SLC26A6: variants seen among roughly 807,000 people sequenced by gnomAD.
SLC26A6 encodes the protein solute carrier family 26 member 6, also known as anion exchange transporter.
SLC26A6 carries 67 observed loss-of-function variants against 87.1 expected under a neutral mutation model. The ratio of observed to expected loss-of-function variants is 0.77; its 90% CI spans 0.63 to 0.94. The LOEUF is 0.94. Among genes scored for constraint, SLC26A6 ranks in the 40% least tolerant of loss-of-function variants. SLC26A6 has a pLI of 0.00. For missense variants in SLC26A6, 902 were observed against 973.0 expected (o/e 0.93, Z 0.97); for synonymous variants, 414 against 405.9 (o/e 1.02, Z -0.24).
chr3:48,630,719 T>C lies in SLC26A6; in HGVS notation c.1136A>G (p.Glu379Gly), dbSNP rs751172258. 1 of 1,596,144 alleles carries C rather than the reference T, an allele frequency of 6.3e-7. No individual in the cohort carries two copies. The highest frequency in any genetic ancestry group is 1.3e-5 in the African/African-American group (1 of 74,672). ...GTTACTGAGGCCCAGGGCCACCAGCTCCTGACGGGGGACAGTACGGGTGTG... is the reference window on the plus strand; with the variant it reads ...GTTACTGAGGCCCAGGGCCACCAGCCCCTGACGGGGGACAGTACGGGTGTG... ...RHGYRVDSNQ[E>G]LVALGLSNLI... Residue 379 changes from glutamate to glycine, a missense_variant and splice_region_variant, in exon 10 of 21, where the codon GAG (glutamate) becomes GGG (glycine). Physicochemically the swap from Glu to Gly is moderately conservative, Grantham distance 98 (BLOSUM62 -2). Coordinates refer to ENST00000395550, the MANE Select transcript of SLC26A6 (RefSeq NM_022911.3).
intron 13 of SLC26A6, 68 bp from the exon 14 acceptor site, chr3:48,629,779 G>A: frequency 5.6e-6 from 9 of 1,609,514 alleles, no homozygotes; most frequent in Non-Finnish European, 6.8e-6. Flanking sequence ...GTCCGAAGGA[G>A]CCTGAAGTCC....
chr3:48,630,786 C>A, intron 9 of SLC26A6, 66 bp from the exon 10 acceptor site: 1 of 1,533,066 alleles, frequency 6.5e-7, no homozygotes. Flanking sequence ...TCCACTGTAT[C>A]TAGGCCTGTG....
At chr3:48,630,241 C>A in intron 11 of SLC26A6, 84 bp from the exon 12 acceptor site, 2 of 1,499,558 alleles carry the variant, frequency 1.3e-6, no homozygotes, top group South Asian at 1.2e-5. Flanking sequence ...CCAGACTAAG[C>A]CCAAGCACTC....
intron 11 of SLC26A6, 70 bp downstream of exon 11, chr3:48,630,368 G>C (rs1438382822): frequency 3.5e-5 from 53 of 1,497,530 alleles, no homozygotes; most frequent in Non-Finnish European, 3.6e-6. Flanking sequence ...CCCCTCGCCT[G>C]AACCTAGACT....
Position 48,630,602 on chromosome 3 carries a change from C to G in SLC26A6, c.1248+5G>C. ...CCCACACCCATGCCCACACCCAAAG[C>G]CCACCTGCGAGTTGCCCCCGGTGCT... On this transcript the variant is annotated splice_donor_5th_base_variant and intron_variant, in intron 10 of 20. Coordinates refer to ENST00000395550, the MANE Select transcript of SLC26A6 (RefSeq NM_022911.3). The G allele has an allele frequency of 6.4e-7, 1 of 1,571,806 alleles. No homozygotes were observed. Among genetic ancestry groups the G allele is most frequent in the Non-Finnish European group, 8.6e-7 (1 of 1,157,050 alleles).
In SLC26A6 at chr3:48,631,677, G is replaced by C; in HGVS notation, c.875C>G (p.Pro292Arg). The change falls in exon 7 of 21, where the codon CCC (proline) becomes CGC (arginine). Residue 292 changes from proline to arginine, a missense_variant. Pro to Arg is a moderately radical substitution (Grantham distance 103). Around this residue, in one of 3 missense-constraint regions of SLC26A6, gnomAD observed 800 missense variants for 856.8 expected, o/e 0.93. Coordinates refer to ENST00000395550, the MANE Select transcript of SLC26A6 (RefSeq NM_022911.3). ...GAGCAGCTCCCCGGGTATCGGCATGGGCAGCTGCTGCTGCAGCTTGTCATT... is the reference window on the plus strand; with the variant it reads ...GAGCAGCTCCCCGGGTATCGGCATGCGCAGCTGCTGCTGCAGCTTGTCATT... ...LLNDKLQQQL[P>R]MPIPGELLTL... The C allele has an allele frequency of 6.2e-7, 1 of 1,613,310 alleles. No individual in the cohort carries two copies. The highest frequency in any genetic ancestry group is 1.6e-4 in the Middle Eastern group (1 of 6,062).
chr3:48,632,761 T>G, intron 4 of SLC26A6: 1 of 677,984 alleles, frequency 1.5e-6, no homozygotes, highest in Non-Finnish European at 2.6e-6. Flanking sequence ...CACTCTCATC[T>G]TCCTGGAGCC....
chr3:48,628,165 C>T lies in SLC26A6; in HGVS notation c.1801-127G>A. 1 of 899,624 alleles carries T rather than the reference C, an allele frequency of 1.1e-6. No individual in the cohort carries two copies. The highest frequency in any genetic ancestry group is 1.7e-6 in the Non-Finnish European group (1 of 593,094). 55.7% of individuals were successfully genotyped at this position (899,624 alleles called of 1,614,324 possible). ...GGGCCAGGACCAGAAGCTGTGGGAC[C>T]TGCAGCAGCCAGGCTGAAGCTCCTG... On this transcript the variant is annotated intron_variant, in intron 16 of 20. Coordinates refer to ENST00000395550, the MANE Select transcript of SLC26A6 (RefSeq NM_022911.3). This position sits in a 1 kb window ranked among gnomAD's most constrained non-coding sequence, Gnocchi z 4.4.
At chr3:48,626,836 T>C (rs140956278) in intron 18 of SLC26A6, 40 bp downstream of exon 18, 1 of 1,606,504 alleles carries the variant, frequency 6.2e-7, no homozygotes, top group South Asian at 1.1e-5. Flanking sequence ...ACAGGGTCAG[T>C]GTGGAAGCTC....
Position 48,626,367 on chromosome 3 carries a change from A to C in SLC26A6, c.2129-13T>G, listed in dbSNP as rs1489178866. The C allele has an allele frequency of 3.7e-6, 6 of 1,613,940 alleles. No homozygotes were observed. The highest frequency in any genetic ancestry group is 5.1e-6 in the Non-Finnish European group (6 of 1,179,974). On this transcript the variant is annotated splice_polypyrimidine_tract_variant and intron_variant, in intron 19 of 20. Coordinates refer to ENST00000395550, the MANE Select transcript of SLC26A6 (RefSeq NM_022911.3). The stretch of plus-strand genomic sequence containing the variant: ...CTGACCACAGGGCCTGTGGGCAAGA[A>C]GTAGGCCTCCCCTGACTCTCAGAAC...
In SLC26A6 at chr3:48,628,611, C is replaced by T; in HGVS notation, c.1692+11G>A. 6.2e-7 allele frequency: 1 copy of T among 1,613,946 alleles called. No homozygotes were observed. The highest frequency in any genetic ancestry group is 2.2e-5 in the East Asian group (1 of 44,886). ...TGGGGCCTGACACCCATCCTGGGGA[C>T]TCCGTCTCACCCTCTGCTTCAGCGC... On this transcript the variant is annotated intron_variant, in intron 15 of 20. Transcript: ENST00000395550. The surrounding 1 kb of genome is among the most constrained non-coding windows in gnomAD (Gnocchi z 4.4).
Position 48,625,912 on chromosome 3 carries a change from G to T in SLC26A6, c.*74C>A, listed in dbSNP as rs900491860. 6.4e-5 allele frequency: 102 copies of T among 1,599,644 alleles called. No homozygotes were observed. Among genetic ancestry groups the T allele is most frequent in the Non-Finnish European group, 6.5e-5 (76 of 1,170,082 alleles). On this transcript the variant is annotated 3_prime_UTR_variant, in exon 21 of 21. Transcript: ENST00000395550. This position sits in a 1 kb window ranked among gnomAD's most constrained non-coding sequence, Gnocchi z 4.7. ...GGACTCCTGGGTAGCACCTGGAGGC[G>T]GCCTAGGGGTGAGGGGCTTCTCAAG... is the stretch of plus-strand genomic sequence containing the variant.
chr3:48,627,400 G>A (rs892195699), intron 17 of SLC26A6: 28 of 286,854 alleles, frequency 9.8e-5, no homozygotes, highest in African/African-American at 5.5e-4. Flanking sequence ...CACATGAAAC[G>A]CATGCAGACA....
chr3:48,629,453 A>C (rs2046717728), intron 14 of SLC26A6, among the ~76,000 whole-genome samples, 189 bp downstream of exon 14: 2 of 151,494 alleles, frequency 1.3e-5, no homozygotes. Flanking sequence ...ATCTCTGTCC[A>C]CTCTCCCTCT....
intron 7 of SLC26A6, 136 bp from the exon 8 acceptor site, chr3:48,631,442 G>C: frequency 4.4e-6 from 5 of 1,135,802 alleles, no homozygotes; most frequent in Non-Finnish European, 6.1e-6. Context: ...TAGGGTGAGA[G>C]ACAGGCAACA....
At position 48,635,384 on chromosome 3, in the gene SLC26A6, C is replaced by T. The variant is rs572492635; in HGVS notation, c.10G>A (p.Ala4Thr). Residue 4 changes from alanine to threonine, a missense_variant, in exon 1 of 21, where the codon GCG (alanine) becomes ACG (threonine). Physicochemically the swap from Ala to Thr is moderately conservative, Grantham distance 58. Transcript: ENST00000395550. ...CGCTGAACTCACCCCGACGCATCCG[C>T]CAGCCCCATGGCTCGCAAGTTGTCC... MGL[A>T]DASGPRDTQA... 1.1e-5 allele frequency: 18 copies of T among 1,587,108 alleles called. No homozygotes were observed. In the African/African-American group the frequency reaches 2.3e-4, roughly 20 times the overall value.
chr3:48,632,865 A>T, intron 4 of SLC26A6, 109 bp downstream of exon 4: 1 of 1,078,634 alleles, frequency 9.3e-7, no homozygotes, highest in Non-Finnish European at 1.4e-6. Flanking sequence ...ATGCAGCACC[A>T]ATGCTGCCCT....
chr3:48,628,513 G>A lies in SLC26A6; in HGVS notation c.1721C>T (p.Ser574Phe). 1.2e-6 allele frequency: 2 copies of A among 1,613,972 alleles called. No homozygotes were observed. The highest frequency in any genetic ancestry group is 2.2e-5 in the East Asian group (1 of 44,880). The stretch of plus-strand genomic sequence containing the variant: ...CTTCTTGAGCAGTTTCTTCTTCTGG[G>A]AGATGAGGAAGTCGACATCCACACC... ...RCGVDVDFLI[S>F]QKKKLLKKQE... The change falls in exon 16 of 21, where the codon TCC (serine) becomes TTC (phenylalanine). Residue 574 changes from serine (S) to phenylalanine (F), a missense_variant. Physicochemically the swap from Ser to Phe is radical, Grantham distance 155. This residue lies in a region of SLC26A6 where 800 missense variants were observed against 856.8 expected (regional missense o/e 0.93). Transcript: ENST00000395550. The surrounding 1 kb of genome is among the most constrained non-coding windows in gnomAD (Gnocchi z 4.4).
intron 5 of SLC26A6, 97 bp downstream of exon 5, chr3:48,632,148 G>A (rs1156916981): frequency 3.2e-6 from 5 of 1,580,402 alleles, no homozygotes; most frequent in Non-Finnish European, 4.3e-6. Flanking sequence ...ACGGCAAGAG[G>A]AGGACGACGA....
Sources: allele counts gnomAD v4.1 joint callset (sites outside exome capture counted in the v4.1 genomes callset), GRCh38; gene constraint gnomAD v4.1.1; regional missense constraint gnomAD v4.1.1; non-coding constraint Gnocchi (gnomAD v3.1); transcripts MANE v1.5; gene names NCBI Gene and HGNC (gene_info 2026-07-23, HGNC 2026-07-21).